Variants in GNAT1 observed in about 807,000 individuals in gnomAD.
The protein encoded by GNAT1 is G protein subunit alpha transducin 1.
A neutral mutation model predicts 40.0 loss-of-function variants in GNAT1; 36 were observed. The observed-to-expected ratio is 0.90, with a 90% confidence interval of 0.69 to 1.19. The LOEUF is 1.19. Ranked by LOEUF, GNAT1 falls within the 50% of genes most tolerant of loss-of-function variation. The probability of loss-of-function intolerance (pLI) is 0.00; values close to 1 mark genes in which losing one functional copy is unlikely to be tolerated. For missense variants in GNAT1, 413 were observed against 480.6 expected, an observed-to-expected ratio of 0.86 and a Z score of 1.32; for synonymous variants, 195 against 192.9, an observed-to-expected ratio of 1.01 and a Z score of -0.09.
Position 50,194,021 on chromosome 3 carries a change from G to T in GNAT1, c.579-71G>T. On this transcript the variant is annotated intron_variant, in intron 5 of 8. Transcript: ENST00000232461. The surrounding 1 kb of genome is among the most constrained non-coding windows in gnomAD (Gnocchi z 6.1). ...TGGTAGTCCCGGCCGAGAGCTCCCC[G>T]ACCAGCACAGGGCGAAGGGATGTTG... 6.2e-7 allele frequency: 1 copy of T among 1,609,656 alleles called. No homozygotes were observed. Among genetic ancestry groups the T allele is most frequent in the South Asian group, 1.1e-5 (1 of 90,868 alleles).
In GNAT1 at chr3:50,194,723, G is replaced by A; in HGVS notation, c.863-42G>A. On this transcript the variant is annotated intron_variant, in intron 7 of 8. Coordinates refer to ENST00000232461, the MANE Select transcript of GNAT1 (RefSeq NM_144499.3). This position sits in a 1 kb window ranked among gnomAD's most constrained non-coding sequence, Gnocchi z 6.1. ...ATCGCGGCGCGCACCCCCCGCACGG[G>A]GAAGGAAGGGCTGAGCAGAGTGAGA... is the stretch of plus-strand genomic sequence containing the variant. 1 of 1,611,666 alleles carries A rather than the reference G, an allele frequency of 6.2e-7. No individual in the cohort carries two copies. Among genetic ancestry groups the A allele is most frequent in the African/African-American group, 1.3e-5 (1 of 74,904 alleles).
chr3:50,193,100 C>A lies in GNAT1; in HGVS notation c.107-33C>A. ...TCCTTGCTGGAGGGGGCAGGCTGGT[C>A]AGCGCAGCTCTGAGGCGCCGCGTCT... On this transcript the variant is annotated intron_variant, in intron 1 of 8. Coordinates refer to ENST00000232461, the MANE Select transcript of GNAT1 (RefSeq NM_144499.3). This position sits in a 1 kb window ranked among gnomAD's most constrained non-coding sequence, Gnocchi z 8.1. The A allele has an allele frequency of 6.2e-7, 1 of 1,612,298 alleles. No homozygotes were observed. Among genetic ancestry groups the A allele is most frequent in the South Asian group, 1.1e-5 (1 of 91,034 alleles).
rs750079496 is a variant in GNAT1, at chr3:50,194,876, C to G, written c.974C>G (p.Thr325Arg). 1 of 1,613,760 alleles carries G rather than the reference C, an allele frequency of 6.2e-7. No individual in the cohort carries two copies. Among genetic ancestry groups the G allele is most frequent in the Non-Finnish European group, 8.5e-7 (1 of 1,179,868 alleles). The change falls in exon 8 of 9, where the codon ACG becomes AGG. Residue 325 changes from threonine (T) to arginine (R), a missense_variant. Physicochemically the swap from Thr to Arg is moderately conservative, Grantham distance 71 (BLOSUM62 -1). Coordinates refer to ENST00000232461, the MANE Select transcript of GNAT1 (RefSeq NM_144499.3). The surrounding 1 kb of genome is among the most constrained non-coding windows in gnomAD (Gnocchi z 6.1). ...IYSHMTCATD[T>R]QNVKFVFDAV... The stretch of plus-strand genomic sequence containing the variant: ...TCCCACATGACGTGCGCCACCGACA[C>G]GCAGAACGTCAAATTTGTCTTCGAC...
At chr3:50,192,171 C>T (rs945022625) in intron 1 of GNAT1, among the ~76,000 whole-genome samples, 4 of 152,224 alleles carry the variant, frequency 2.6e-5, no homozygotes, top group Non-Finnish European at 5.9e-5. Flanking sequence ...TGGTTTGATA[C>T]GCCTGCTAGG....
chr3:50,191,921 G>T (rs1289542815), intron 1 of GNAT1, 90 bp downstream of exon 1: 5 of 861,072 alleles, frequency 5.8e-6, no homozygotes, highest in African/African-American at 1.7e-5. Context: ...AGGATTCCCT[G>T]GGAAGCAGTA....
Position 50,196,125 on chromosome 3 carries a change from TG to T in GNAT1, c.*863del, listed in dbSNP as rs1358775478. On this transcript the variant is annotated 3_prime_UTR_variant, in exon 9 of 9. Coordinates refer to ENST00000232461, the MANE Select transcript of GNAT1 (RefSeq NM_144499.3). ...TAGCTGGGCTGTCCTGAGGGGTGGC[TG>T]GGGACAGAGTCCAGCTCCCTTGGAT... The T allele has an allele frequency of 1.3e-5, 2 of 152,324 alleles. No individual in the cohort carries two copies. The highest frequency in any genetic ancestry group is 2.9e-5 in the Non-Finnish European group (2 of 68,112). The allele number at this position is 152,324 out of a possible 1,614,324, so 9.4% of individuals were successfully genotyped here.
At position 50,191,788 on chromosome 3, in the gene GNAT1, G is replaced by A; in HGVS notation, c.63G>A (p.Glu21=). The change falls in exon 1 of 9, where the codon GAG becomes GAA. Residue 21 remains glutamate (E), a synonymous_variant. Transcript: ENST00000232461. ...HSRELEKKLK[E]DAEKDARTVK... ...GGGAGCTGGAAAAGAAGCTGAAAGAGGACGCTGAGAAGGATGCTCGAACCG... is the reference window on the plus strand; with the variant it reads ...GGGAGCTGGAAAAGAAGCTGAAAGAAGACGCTGAGAAGGATGCTCGAACCG... 1 of 1,614,062 alleles carries A rather than the reference G, an allele frequency of 6.2e-7. No homozygotes were observed. Among genetic ancestry groups the A allele is most frequent in the Non-Finnish European group, 8.5e-7 (1 of 1,179,918 alleles).
In GNAT1 at chr3:50,193,766, C is replaced by G. The variant is rs1211321547; in HGVS notation, c.463C>G (p.Leu155Val). The G allele has an allele frequency of 6.2e-7, 1 of 1,611,854 alleles. No homozygotes were observed. The highest frequency in any genetic ancestry group is 1.3e-5 in the African/African-American group (1 of 74,858). Reference protein sequence around the residue: ...NDSAGYYLSDLERLVTPGYVP... With the variant: ...NDSAGYYLSDVERLVTPGYVP... ...GGTCTCGCGCAGCTACCTCTCCGAC[C>G]TGGAGCGCCTGGTAACCCCGGGCTA... The change falls in exon 5 of 9, where the codon CTG (leucine) becomes GTG (valine). Residue 155 changes from leucine (L) to valine (V), a missense_variant. Physicochemically the swap from Leu to Val is conservative, Grantham distance 32 (BLOSUM62 1). Coordinates refer to ENST00000232461, the MANE Select transcript of GNAT1 (RefSeq NM_144499.3). The surrounding 1 kb of genome is among the most constrained non-coding windows in gnomAD (Gnocchi z 8.1).
At position 50,194,191 on chromosome 3, in the gene GNAT1, C is replaced by A; in HGVS notation, c.678C>A (p.Tyr226Ter). 6.2e-7 allele frequency: 1 copy of A among 1,612,450 alleles called. No individual in the cohort carries two copies. The highest frequency in any genetic ancestry group is 8.5e-7 in the Non-Finnish European group (1 of 1,179,260). Residue 226 changes from tyrosine (Y) to a stop codon, truncating the protein, a stop_gained, in exon 6 of 9, where the codon TAC becomes TAA. Coordinates refer to ENST00000232461, the MANE Select transcript of GNAT1 (RefSeq NM_144499.3). LOFTEE classifies it high-confidence loss of function. This position sits in a 1 kb window ranked among gnomAD's most constrained non-coding sequence, Gnocchi z 6.1. ...TCTTCATCGCGGCGCTGAGCGCCTA[C>A]GACATGGTGCTAGTGGAGGACGACG... ...CIIFIAALSA[Y>*]DMVLVEDDEV...
At position 50,193,334 on chromosome 3, in the gene GNAT1, G is replaced by T. The variant is rs1699443118; in HGVS notation, c.219G>T (p.Thr73=). The T allele has an allele frequency of 6.2e-7, 1 of 1,613,970 alleles. No homozygotes were observed. Among genetic ancestry groups the T allele is most frequent in the South Asian group, 1.1e-5 (1 of 91,088 alleles). ...LEFIAIIYGN[T]LQSILAIVRA... is the part of the protein sequence containing the mutation. ...TTATCGCCATCATCTACGGCAACACGTTGCAGTCCATCCTGGCCATCGTAC... is the reference window on the plus strand; with the variant it reads ...TTATCGCCATCATCTACGGCAACACTTTGCAGTCCATCCTGGCCATCGTAC... Residue 73 remains threonine (T), a synonymous_variant, in exon 3 of 9, where the codon ACG becomes ACT. Coordinates refer to ENST00000232461, the MANE Select transcript of GNAT1 (RefSeq NM_144499.3). The surrounding 1 kb of genome is among the most constrained non-coding windows in gnomAD (Gnocchi z 8.1).
In GNAT1 at chr3:50,194,990, A is replaced by C; in HGVS notation, c.*1+34A>C. On this transcript the variant is annotated intron_variant, in intron 8 of 8. Coordinates refer to ENST00000232461, the MANE Select transcript of GNAT1 (RefSeq NM_144499.3). The surrounding 1 kb of genome is among the most constrained non-coding windows in gnomAD (Gnocchi z 6.1). The stretch of plus-strand genomic sequence containing the variant: ...CTGCCCTCTCCAGGCTCTTGCCTCA[A>C]TACCCCAGCCCCGTCCAGCTCCCCA... The C allele has an allele frequency of 6.7e-7, 1 of 1,498,708 alleles. No homozygotes were observed. 92.8% of individuals were successfully genotyped at this position (1,498,708 alleles called of 1,614,324 possible). A position where few individuals can be genotyped will look rare whatever the true frequency, so the allele number is the denominator to read the frequency against.
In GNAT1 at chr3:50,194,326, CCTGTCCCGGGCGG is replaced by C; in HGVS notation, c.708+107_708+119del. 1.4e-6 allele frequency: 2 copies of C among 1,448,614 alleles called. No individual in the cohort carries two copies. Among genetic ancestry groups the C allele is most frequent in the East Asian group, 5.0e-5 (2 of 40,382 alleles). The allele number at this position is 1,448,614 out of a possible 1,614,324, so 89.7% of individuals were successfully genotyped here. ...CTGGGGGAGGGCACGGGAGGGGATGCCTGTCCCGGGCGGCCTGAGGAGGCCCGGAGGCGTTCAG... is the reference window on the plus strand; with the variant it reads ...CTGGGGGAGGGCACGGGAGGGGATGCCCTGAGGAGGCCCGGAGGCGTTCAG... On this transcript the variant is annotated intron_variant, in intron 6 of 8. Coordinates refer to ENST00000232461, the MANE Select transcript of GNAT1 (RefSeq NM_144499.3). This position sits in a 1 kb window ranked among gnomAD's most constrained non-coding sequence, Gnocchi z 6.1.
chr3:50,192,951 C>T, intron 1 of GNAT1, 182 bp from the exon 2 acceptor site: 1 of 647,338 alleles, frequency 1.5e-6, no homozygotes, highest in Non-Finnish European at 2.7e-6. Context: ...AACCTTGTGA[C>T]TTCAGGATGT....
In GNAT1 at chr3:50,194,353, G is replaced by A. The variant is rs1699470123; in HGVS notation, c.708+132G>A. 7.2e-7 allele frequency: 1 copy of A among 1,397,054 alleles called. No individual in the cohort carries two copies. The highest frequency in any genetic ancestry group is 2.0e-5 in the Admixed American group (1 of 50,796). 86.5% of individuals were successfully genotyped at this position (1,397,054 alleles called of 1,614,324 possible). On this transcript the variant is annotated intron_variant, in intron 6 of 8. Transcript: ENST00000232461. This position sits in a 1 kb window ranked among gnomAD's most constrained non-coding sequence, Gnocchi z 6.1. ...TGTCCCGGGCGGCCTGAGGAGGCCC[G>A]GAGGCGTTCAGCAGGCCCATCTGGG... is the stretch of plus-strand genomic sequence containing the variant.
rs1699512478 is a variant in GNAT1, at chr3:50,196,991, C to A, written c.*1725C>A. 6.6e-6 allele frequency among the ~76,000 whole-genome samples: 1 copy of A among 152,116 alleles called. No individual in the cohort carries two copies. The highest frequency in any genetic ancestry group is 2.4e-5 in the African/African-American group (1 of 41,414). On this transcript the variant is annotated 3_prime_UTR_variant, in exon 9 of 9. Transcript: ENST00000232461. ...GGGTGAGGGAAGTGAGGCACACTCACCTTGGGTGCAACATTTAAGGCGATG... is the reference window on the plus strand; with the variant it reads ...GGGTGAGGGAAGTGAGGCACACTCAACTTGGGTGCAACATTTAAGGCGATG...
In GNAT1 at chr3:50,194,967, G is replaced by T; in HGVS notation, c.*1+11G>T. On this transcript the variant is annotated intron_variant, in intron 8 of 8. Transcript: ENST00000232461. This position sits in a 1 kb window ranked among gnomAD's most constrained non-coding sequence, Gnocchi z 6.1. ...GTGGCCTCTTCTGAGGTAGGTCGCTGCCCTCTCCAGGCTCTTGCCTCAATA... is the reference window on the plus strand; with the variant it reads ...GTGGCCTCTTCTGAGGTAGGTCGCTTCCCTCTCCAGGCTCTTGCCTCAATA... The T allele has an allele frequency of 6.3e-7, 1 of 1,597,972 alleles. No individual in the cohort carries two copies. The highest frequency in any genetic ancestry group is 8.6e-7 in the Non-Finnish European group (1 of 1,169,074).
chr3:50,193,403 C>A lies in GNAT1; in HGVS notation c.288C>A (p.Arg96=), dbSNP rs1346224062. ...ACATCCAGTACGGAGACTCTGCACGCCAGGTGTGCCAGGAGGCGGGCTGAG... is the reference window on the plus strand; with the variant it reads ...ACATCCAGTACGGAGACTCTGCACGACAGGTGTGCCAGGAGGCGGGCTGAG... The part of the protein sequence containing the change: ...TLNIQYGDSA[R]QDDARKLMHM... The change falls in exon 3 of 9, where the codon CGC becomes CGA. Residue 96 remains arginine (R), a synonymous_variant. Coordinates refer to ENST00000232461, the MANE Select transcript of GNAT1 (RefSeq NM_144499.3). This position sits in a 1 kb window ranked among gnomAD's most constrained non-coding sequence, Gnocchi z 8.1. 1 of 1,613,984 alleles carries A rather than the reference C, an allele frequency of 6.2e-7. No individual in the cohort carries two copies.
At position 50,193,219 on chromosome 3, in the gene GNAT1, T is replaced by TC. The variant is rs770010487; in HGVS notation, c.150-42dup. 1 of 1,613,866 alleles carries TC rather than the reference T, an allele frequency of 6.2e-7. No homozygotes were observed. Among genetic ancestry groups the TC allele is most frequent in the Non-Finnish European group, 8.5e-7 (1 of 1,179,824 alleles). ...CCCGAGGCCCCTGGGTCTGGGTCCT[T>TC]CCCCACTTCCCCACGAGGCGCTGAT... On this transcript the variant is annotated intron_variant, in intron 2 of 8. Transcript: ENST00000232461. The surrounding 1 kb of genome is among the most constrained non-coding windows in gnomAD (Gnocchi z 8.1).
At position 50,197,460 on chromosome 3, in the gene GNAT1, G is replaced by A. The variant is rs1460762193; in HGVS notation, c.*2194G>A. Among the ~76,000 whole-genome samples, 1 of 152,176 alleles carries A rather than the reference G, an allele frequency of 6.6e-6. No individual in the cohort carries two copies. Among genetic ancestry groups the A allele is most frequent in the African/African-American group, 2.4e-5 (1 of 41,424 alleles). On this transcript the variant is annotated 3_prime_UTR_variant, in exon 9 of 9. Coordinates refer to ENST00000232461, the MANE Select transcript of GNAT1 (RefSeq NM_144499.3). ...TGTGACTGCTCTAAGTGCCTCAGAT[G>A]TGTGGGTCCATGAAGTCTTTGTCTT... is the stretch of plus-strand genomic sequence containing the variant.
Sources: gnomAD v4.1 joint callset for allele counts (sites outside exome capture counted in the v4.1 genomes callset) on GRCh38, gnomAD v4.1.1 for gene constraint, Gnocchi (gnomAD v3.1) non-coding constraint, MANE v1.5 for transcripts, NCBI Gene and HGNC (gene_info 2026-07-23, HGNC 2026-07-21) for gene names.